The following CBFA2T3 variants were observed in gnomAD, a reference collection of about 807,000 sequenced individuals.
CBFA2T3 encodes the protein transcriptional corepressor CBFA2T3.
Under a neutral mutation model 58.6 loss-of-function variants are expected in CBFA2T3, and 31 were observed. The ratio of observed to expected loss-of-function variants is 0.53; its 90% CI spans 0.40 to 0.71. CBFA2T3 has a LOEUF of 0.71. Ranked by LOEUF, CBFA2T3 falls within the 30% of genes least tolerant of loss-of-function variation. CBFA2T3 has a pLI of 0.00. For synonymous variants in CBFA2T3, 531 were observed against 421.9 expected, an observed-to-expected ratio of 1.26 and a Z score of -3.17; for missense variants, 1,076 against 963.1, an observed-to-expected ratio of 1.12 and a Z score of -1.55.
intron 1 of CBFA2T3, among the ~76,000 whole-genome samples, chr16:88,975,224 C>CCCTGACCCT (rs1567644127): frequency 7.0e-5 from 7 of 99,646 alleles, no homozygotes; most frequent in Admixed American, 5.1e-4. Context: ...CTGCTCCTCA[C>CCCTGACCCT]CTGCAGCCAT....
At chr16:88,951,465 C>A in intron 1 of CBFA2T3, 1 of 379,224 alleles carries the variant, frequency 2.6e-6, no homozygotes, top group Non-Finnish European at 5.2e-6. Context: ...TTTGAATTTT[C>A]CTATAAGTAT....
At chr16:88,957,251 C>G (rs1239241862) in intron 1 of CBFA2T3, among the ~76,000 whole-genome samples, 2 of 152,366 alleles carry the variant, frequency 1.3e-5, no homozygotes, top group Middle Eastern at 3.4e-3. Flanking sequence ...ACAGTCTGGA[C>G]AGCCAGCTGA....
intron 1 of CBFA2T3, among the ~76,000 whole-genome samples, chr16:88,902,921 G>A (rs373960254): frequency 1.3e-5 from 2 of 151,886 alleles, no homozygotes; most frequent in African/African-American, 2.4e-5. Flanking sequence ...CGACTGCCCC[G>A]CACCCTCCTC....
Position 88,975,176 on chromosome 16 carries a change from C to CCT in CBFA2T3, c.151+1480_151+1481insAG, listed in dbSNP as rs1567643956. 1.7e-3 allele frequency among the ~76,000 whole-genome samples: 170 copies of CCT among 100,176 alleles called. 3 individuals carry two copies. The highest frequency in any genetic ancestry group is 6.3e-3 in the Middle Eastern group (1 of 160). The allele number at this position is 100,176 out of a possible 152,430, so 65.7% of individuals were successfully genotyped here. On this transcript the variant is annotated intron_variant, in intron 1 of 11. Transcript: ENST00000268679. ...GAGGTCCACCCTGACCCTCTCTGCT[C>CCT]CACATCTTTAGCCATGTCAGAGGTC...
chr16:88,949,549 G>A (rs1971992594), intron 1 of CBFA2T3, among the ~76,000 whole-genome samples: 1 of 149,152 alleles, frequency 6.7e-6, no homozygotes, highest in East Asian at 2.0e-4. Flanking sequence ...GACAGAGCGA[G>A]ACTCTGTCTC....
At chr16:88,887,587 C>T (rs571454651) in intron 5 of CBFA2T3, among the ~76,000 whole-genome samples, 6 of 152,112 alleles carry the variant, frequency 3.9e-5, no homozygotes, top group South Asian at 4.1e-4. Context: ...GCAGCATCAG[C>T]GTAGGGGCCG....
chr16:88,898,393 T>A (rs753394091), intron 2 of CBFA2T3, among the ~76,000 whole-genome samples: 3 of 152,190 alleles, frequency 2.0e-5, no homozygotes, highest in Non-Finnish European at 4.4e-5. Context: ...CGCCGTTTCC[T>A]GCTTCTCAGA....
At chr16:88,951,102 G>C (rs1316758130) in intron 1 of CBFA2T3, 3 of 374,524 alleles carry the variant, frequency 8.0e-6, no homozygotes, top group Non-Finnish European at 1.6e-5. Context: ...CGCCACAGAG[G>C]GTCAGAGTGT....
At chr16:88,906,098 T>C (rs967056620) in intron 1 of CBFA2T3, among the ~76,000 whole-genome samples, 1 of 152,036 alleles carries the variant, frequency 6.6e-6, no homozygotes, top group Non-Finnish European at 1.5e-5. Context: ...TCACTCGAAA[T>C]GGTGGCTATT....
rs573605776 is a variant in CBFA2T3 at position 88,919,593 on chromosome 16, G to A, written c.152-17937C>T. Among the ~76,000 whole-genome samples the A allele has an allele frequency of 5.3e-5, 8 of 152,282 alleles. No individual in the cohort carries two copies. The South Asian group carries it at 1.2e-3, about 24-fold the overall frequency. ...ATCACAAGGGCAAAACCCACTCCTC[G>A]AATTCTCCAAACTGCACGCATGGTG... is the stretch of plus-strand genomic sequence containing the variant. On this transcript the variant is annotated intron_variant, in intron 1 of 11. Coordinates refer to ENST00000268679, the MANE Select transcript of CBFA2T3 (RefSeq NM_005187.6).
intron 1 of CBFA2T3, among the ~76,000 whole-genome samples, chr16:88,908,567 C>A (rs1970416658): frequency 2.0e-5 from 3 of 152,196 alleles, no homozygotes. Flanking sequence ...TCCGTGGGGG[C>A]ACCCAGCCCG....
At chr16:88,912,336 T>C (rs1339030029) in intron 1 of CBFA2T3, among the ~76,000 whole-genome samples, 3 of 152,228 alleles carry the variant, frequency 2.0e-5, no homozygotes, top group African/African-American at 7.2e-5. Flanking sequence ...CTGTGCGTCC[T>C]GGGGCCAGAT....
chr16:88,962,187 C>G (rs556149698), intron 1 of CBFA2T3, among the ~76,000 whole-genome samples: 4 of 152,274 alleles, frequency 2.6e-5, no homozygotes, highest in African/African-American at 9.6e-5. Flanking sequence ...GGCATTCCCA[C>G]TCCATAGTAA....
intron 5 of CBFA2T3, among the ~76,000 whole-genome samples, chr16:88,890,077 C>G (rs1175945793): frequency 6.7e-6 from 1 of 149,882 alleles, no homozygotes; most frequent in Admixed American, 6.6e-5. Flanking sequence ...CGATGCCCCG[C>G]GATTCCTCCT....
At chr16:88,883,232 A>T (rs1969201753) in intron 7 of CBFA2T3, 1 of 186,476 alleles carries the variant, frequency 5.4e-6, no homozygotes, top group South Asian at 9.8e-5. Context: ...TTAGTCCGTG[A>T]ATCAATGGGT....
chr16:88,909,726 C>T (rs1318109841), intron 1 of CBFA2T3, among the ~76,000 whole-genome samples: 1 of 152,208 alleles, frequency 6.6e-6, no homozygotes, highest in Non-Finnish European at 1.5e-5. Flanking sequence ...CTCCCGCCTC[C>T]TCACAGCCCC....
chr16:88,901,741 G>A (rs1970107368), intron 1 of CBFA2T3, 85 bp from the exon 2 acceptor site: 7 of 1,255,606 alleles, frequency 5.6e-6, no homozygotes, highest in African/African-American at 1.6e-5. Context: ...CCCAGCGAAG[G>A]CCCCACTGAG....
At chr16:88,968,663 C>T (rs1407101029) in intron 1 of CBFA2T3, among the ~76,000 whole-genome samples, 4 of 152,234 alleles carry the variant, frequency 2.6e-5, no homozygotes, top group Non-Finnish European at 5.9e-5. Context: ...CCTGTCAGTC[C>T]GTCTGTCTGG....
At chr16:88,936,584 C>A (rs922170267) in intron 1 of CBFA2T3, among the ~76,000 whole-genome samples, 1 of 152,210 alleles carries the variant, frequency 6.6e-6, no homozygotes, top group Non-Finnish European at 1.5e-5. Flanking sequence ...GGGGCAGAAC[C>A]GGCCCTGGGT....
Sources: allele counts gnomAD v4.1 joint callset (sites outside exome capture counted in the v4.1 genomes callset), GRCh38; gene constraint gnomAD v4.1.1; transcripts MANE v1.5; gene names NCBI Gene and HGNC (gene_info 2026-07-23, HGNC 2026-07-21).